ZER1: variants seen among roughly 807,000 people sequenced by gnomAD.
ZER1 encodes the protein zyg-11 related cell cycle regulator.
In ZER1, 11 loss-of-function variants were observed where a neutral mutation model predicts 78.8. The ratio of observed to expected loss-of-function variants is 0.14; its 90% CI spans 0.09 to 0.23. The LOEUF (loss-of-function observed/expected upper bound fraction) is 0.23, where lower values mean the gene tolerates loss of function less well. Among genes scored for constraint, ZER1 ranks in the 10% least tolerant of loss-of-function variants. ZER1 has a pLI of 1.00. For synonymous variants in ZER1, 400 were observed against 407.0 expected (o/e 0.98, Z 0.21); for missense variants, 588 against 996.9 (o/e 0.59, Z 5.52).
chr9:128,737,554 CCAGT>C (rs1163156793), intron 13 of ZER1, among the ~76,000 whole-genome samples: 1 of 152,104 alleles, frequency 6.6e-6, no homozygotes, highest in Non-Finnish European at 1.5e-5. Context: ...TGGTGATTGG[CCAGT>C]CAGTCACAAA....
Position 128,753,746 on chromosome 9 carries a change from G to C in ZER1, c.309+63C>G. ...CTGGGCTGGGGATGGCTGGGCTGGA[G>C]GCGAGCAGCCTGGCCCCTGCTTGGT... On this transcript the variant is annotated intron_variant, in intron 3 of 15. Coordinates refer to ENST00000291900, the MANE Select transcript of ZER1 (RefSeq NM_006336.4). The surrounding 1 kb of genome is among the most constrained non-coding windows in gnomAD (Gnocchi z 7.5). 6.4e-7 allele frequency: 1 copy of C among 1,572,064 alleles called. No individual in the cohort carries two copies. Among genetic ancestry groups the C allele is most frequent in the East Asian group, 2.3e-5 (1 of 43,984 alleles).
In ZER1 at chr9:128,753,324, G is replaced by A. The variant is rs868312646; in HGVS notation, c.586C>T (p.Arg196Trp). The A allele has an allele frequency of 5.6e-6, 9 of 1,613,088 alleles. No individual in the cohort carries two copies. Among genetic ancestry groups the A allele is most frequent in the African/African-American group, 5.3e-5 (4 of 74,928 alleles). ...IDWVPVESLL[R>W]PLNSLAALDL... is the part of the protein sequence containing the mutation. The stretch of plus-strand genomic sequence containing the variant: ...AAGGCAGCCAGGGAGTTAAGCGGCC[G>A]CAGCAGGGACTCCACAGGGACCCAA... Residue 196 changes from arginine to tryptophan, a missense_variant, in exon 4 of 16, where the codon CGG (arginine) becomes TGG (tryptophan). By Grantham distance (101) the Arg-to-Trp change is moderately radical (BLOSUM62 -3). Transcript: ENST00000291900. The surrounding 1 kb of genome is among the most constrained non-coding windows in gnomAD (Gnocchi z 7.5).
rs200108808 is a variant in ZER1 at position 128,753,795 on chromosome 9, G to A, written c.309+14C>T. 3.0e-5 allele frequency: 47 copies of A among 1,555,730 alleles called. No homozygotes were observed. The East Asian group carries it at 7.7e-4, about 26-fold the overall frequency. ...GTGTGGGCCCTCCTGGCGCTGTGGC[G>A]GGGCAGGTCTCACCTGCTTGCGGAT... is the stretch of plus-strand genomic sequence containing the variant. On this transcript the variant is annotated intron_variant, in intron 3 of 15. Transcript: ENST00000291900. This position sits in a 1 kb window ranked among gnomAD's most constrained non-coding sequence, Gnocchi z 7.5.
chr9:128,763,611 T>G (rs1217906660), intron 1 of ZER1, among the ~76,000 whole-genome samples: 1 of 152,214 alleles, frequency 6.6e-6, no homozygotes, highest in East Asian at 1.9e-4. Flanking sequence ...GACCAGTGTC[T>G]TGCAGGAGAA....
intron 1 of ZER1, among the ~76,000 whole-genome samples, chr9:128,759,337 ATTTTTTT>A (rs35419870): frequency 3.0e-5 from 4 of 133,070 alleles, no homozygotes; most frequent in Admixed American, 7.5e-5. Flanking sequence ...CACCCAGCTA[ATTTTTTT>A]TTTTTTTTTT....
chr9:128,741,230 C>T (rs1402159646), intron 11 of ZER1, among the ~76,000 whole-genome samples: 1 of 152,196 alleles, frequency 6.6e-6, no homozygotes, highest in African/African-American at 2.4e-5. Flanking sequence ...TGAACAGACC[C>T]GCTGTCCAGC....
intron 8 of ZER1, among the ~76,000 whole-genome samples, chr9:128,743,565 C>T (rs1554787304): frequency 6.6e-6 from 1 of 150,850 alleles, no homozygotes; most frequent in Non-Finnish European, 1.5e-5. Context: ...GGTACTACAG[C>T]TGTGTGCCAC....
intron 13 of ZER1, among the ~76,000 whole-genome samples, chr9:128,739,617 G>A (rs1280219823): frequency 1.3e-5 from 2 of 151,920 alleles, no homozygotes; most frequent in Non-Finnish European, 2.9e-5. Flanking sequence ...CCACCTGTAT[G>A]GTTTTCTGTT....
At chr9:128,761,410 C>G (rs1334825787) in intron 1 of ZER1, among the ~76,000 whole-genome samples, 1 of 151,646 alleles carries the variant, frequency 6.6e-6, no homozygotes, top group African/African-American at 2.4e-5. Flanking sequence ...CCTCAGCTTC[C>G]TGAGTACCTG....
rs1413326433 is a variant in ZER1, at chr9:128,753,844, C to G, written c.274G>C (p.Val92Leu). Reference protein sequence around the residue: ...LTRIHLREDLVQDQDLEAIRK... With the variant: ...LTRIHLREDLLQDQDLEAIRK... ...ATGGCCTCCAGGTCCTGGTCCTGCA[C>G]CAGGTCCTCACGGAGGTGGATCCGC... is the stretch of plus-strand genomic sequence containing the variant. Residue 92 changes from valine to leucine, a missense_variant, in exon 3 of 16, where the codon GTG becomes CTG. Around this residue, in one of 3 missense-constraint regions of ZER1, gnomAD observed 406 missense variants for 660.1 expected, o/e 0.62. Coordinates refer to ENST00000291900, the MANE Select transcript of ZER1 (RefSeq NM_006336.4). The surrounding 1 kb of genome is among the most constrained non-coding windows in gnomAD (Gnocchi z 7.5). The G allele has an allele frequency of 6.2e-7, 1 of 1,602,278 alleles. No individual in the cohort carries two copies. The highest frequency in any genetic ancestry group is 8.5e-7 in the Non-Finnish European group (1 of 1,175,250).
At chr9:128,759,922 C>G (rs1863990176) in intron 1 of ZER1, among the ~76,000 whole-genome samples, 1 of 152,156 alleles carries the variant, frequency 6.6e-6, no homozygotes, top group Non-Finnish European at 1.5e-5. Context: ...TACTGTTGCC[C>G]AGGCTGGAGT....
intron 14 of ZER1, among the ~76,000 whole-genome samples, chr9:128,733,748 T>G (rs1218649860): frequency 6.6e-6 from 1 of 150,640 alleles, no homozygotes; most frequent in Non-Finnish European, 1.5e-5. Flanking sequence ...CTCCTTGGTT[T>G]GAAGTTGCTG....
chr9:128,747,194 CAA>C (rs983365614), intron 8 of ZER1, among the ~76,000 whole-genome samples: 1 of 149,370 alleles, frequency 6.7e-6, no homozygotes, highest in African/African-American at 2.5e-5. Context: ...GACTCTGTCT[CAA>C]AAAAAAAGAA....
Position 128,752,662 on chromosome 9 carries a change from T to G in ZER1, c.923+11A>C. The stretch of plus-strand genomic sequence containing the variant: ...ACACCCTACCAGTAGCCATGGAGGC[T>G]GGGGCCCCACCTGGTCTGCCCCGCT... On this transcript the variant is annotated intron_variant, in intron 5 of 15. Coordinates refer to ENST00000291900, the MANE Select transcript of ZER1 (RefSeq NM_006336.4). 1 of 1,606,904 alleles carries G rather than the reference T, an allele frequency of 6.2e-7. No homozygotes were observed. Among genetic ancestry groups the G allele is most frequent in the Non-Finnish European group, 8.5e-7 (1 of 1,176,626 alleles).
Position 128,740,746 on chromosome 9 carries a change from A to G in ZER1, c.1853+26T>C, listed in dbSNP as rs1863264665. The G allele has an allele frequency of 1.3e-6, 1 of 779,680 alleles. No homozygotes were observed. The highest frequency in any genetic ancestry group is 2.4e-6 in the Non-Finnish European group (1 of 417,424). The allele number at this position is 779,680 out of a possible 1,614,324, so 48.3% of individuals were successfully genotyped here. On this transcript the variant is annotated intron_variant, in intron 12 of 15. Transcript: ENST00000291900. The surrounding 1 kb of genome is among the most constrained non-coding windows in gnomAD (Gnocchi z 4.4). The stretch of plus-strand genomic sequence containing the variant: ...CTGAGCATTGTGGCAGCTAAGGCAA[A>G]AAGGGAAAGGATTAAAAATACCAAC...
rs1864390908 is a variant in ZER1, at chr9:128,771,704, G to A, written c.-218C>T. On this transcript the variant is annotated 5_prime_UTR_variant, in exon 1 of 16. Transcript: ENST00000291900. ...CCTCAGGAGGTTGGGGATCTCGTCA[G>A]GCTAGAGCCGGGGTCCAGGGGAGAC... 2 of 152,220 alleles carry A rather than the reference G, an allele frequency of 1.3e-5. No homozygotes were observed. The highest frequency in any genetic ancestry group is 2.4e-5 in the African/African-American group (1 of 41,454). 9.4% of individuals were successfully genotyped at this position (152,220 alleles called of 1,614,324 possible).
Position 128,742,637 on chromosome 9 carries a change from G to A in ZER1, c.1468C>T (p.Arg490Trp), listed in dbSNP as rs775246598. Reference sequence around the variant, plus strand: ...ATCCGCTGGATAGACTCGTCCTGCCGCGTGGGGTTGAGGATGCTGAGCAGG... The same window carrying A: ...ATCCGCTGGATAGACTCGTCCTGCCACGTGGGGTTGAGGATGCTGAGCAGG... ...ELLLSILNPTRQDESIQRIAV... is the reference protein window; with the variant it reads ...ELLLSILNPTWQDESIQRIAV... The change falls in exon 9 of 16, where the codon CGG (arginine) becomes TGG (tryptophan). Residue 490 changes from arginine to tryptophan, a missense_variant. Arg to Trp is a moderately radical substitution (Grantham distance 101, BLOSUM62 -3). This residue lies in a region of ZER1 where 406 missense variants were observed against 660.1 expected (regional missense o/e 0.62). Coordinates refer to ENST00000291900, the MANE Select transcript of ZER1 (RefSeq NM_006336.4). 2.5e-6 allele frequency: 4 copies of A among 1,614,254 alleles called. No individual in the cohort carries two copies. Among genetic ancestry groups the A allele is most frequent in the Non-Finnish European group, 3.4e-6 (4 of 1,180,050 alleles).
chr9:128,740,648 T>C lies in ZER1; in HGVS notation c.1853+124A>G. Reference sequence around the variant, plus strand: ...AGGATTGAATGAATAAGAAACCACATTATCGAGGGAAAATGACATTTATAG... The same window carrying C: ...AGGATTGAATGAATAAGAAACCACACTATCGAGGGAAAATGACATTTATAG... On this transcript the variant is annotated intron_variant, in intron 12 of 15. Transcript: ENST00000291900. The surrounding 1 kb of genome is among the most constrained non-coding windows in gnomAD (Gnocchi z 4.4). 1 of 606,740 alleles carries C rather than the reference T, an allele frequency of 1.6e-6. No homozygotes were observed. Among genetic ancestry groups the C allele is most frequent in the Non-Finnish European group, 3.0e-6 (1 of 334,298 alleles). The allele number at this position is 606,740 out of a possible 1,614,324, so 37.6% of individuals were successfully genotyped here. A position where few individuals can be genotyped will look rare whatever the true frequency, so the allele number is the denominator to read the frequency against.
At position 128,761,673 on chromosome 9, in the gene ZER1, C is replaced by T. The variant is rs145749207; in HGVS notation, c.-94-6014G>A. ...AGGCTGGAATACAGTGGTACGATCTCGGCTCACTGCAAGCTCCGCCTCCTG... is the reference window on the plus strand; with the variant it reads ...AGGCTGGAATACAGTGGTACGATCTTGGCTCACTGCAAGCTCCGCCTCCTG... On this transcript the variant is annotated intron_variant, in intron 1 of 15. Transcript: ENST00000291900. 7.2e-3 allele frequency among the ~76,000 whole-genome samples: 1,060 copies of T among 147,586 alleles called. 15 individuals carry two copies. Among genetic ancestry groups the T allele is most frequent in the African/African-American group, 0.021 (822 of 39,900 alleles).
Sources: gnomAD v4.1 joint callset for allele counts (sites outside exome capture counted in the v4.1 genomes callset) on GRCh38, gnomAD v4.1.1 for gene constraint, gnomAD v4.1.1 regional missense constraint, Gnocchi (gnomAD v3.1) non-coding constraint, MANE v1.5 for transcripts, NCBI Gene and HGNC (gene_info 2026-07-23, HGNC 2026-07-21) for gene names.